The following PTH2R variants were observed in gnomAD, a reference collection of about 807,000 sequenced individuals.
PTH2R encodes the protein parathyroid hormone 2 receptor.
In PTH2R, 59 loss-of-function variants were observed where a neutral mutation model predicts 60.3. The observed-to-expected ratio is 0.98, with a 90% CI of 0.79 to 1.22. The LOEUF (loss-of-function observed/expected upper bound fraction) is 1.22, where lower values mean the gene tolerates loss of function less well. PTH2R is among the 50% of genes most tolerant of loss of function. The pLI is 0.00. For synonymous variants in PTH2R, 256 were observed against 243.8 expected, an observed-to-expected ratio of 1.05 and a Z score of -0.47; for missense variants, 749 against 682.6, an observed-to-expected ratio of 1.10 and a Z score of -1.08.
In PTH2R at chr2:208,407,092, G is replaced by A. The variant is rs201452048; in HGVS notation, c.49G>A (p.Gly17Ser). 2.2e-6 allele frequency: 3 copies of A among 1,394,570 alleles called. No homozygotes were observed. The highest frequency in any genetic ancestry group is 2.8e-6 in the Non-Finnish European group (3 of 1,067,256). The allele number at this position is 1,394,570 out of a possible 1,614,324, so 86.4% of individuals were successfully genotyped here. A position where few individuals can be genotyped will look rare whatever the true frequency, so the allele number is the denominator to read the frequency against. The part of the protein sequence containing the change: ...SLHVWGWLML[G>S]SCLLARAQLD... Reference sequence around the variant, plus strand: ...CCACGTCTGGGGTTGGCTAATGCTCGGCAGCTGCCTCCTGGCCAGAGCCCA... The same window carrying A: ...CCACGTCTGGGGTTGGCTAATGCTCAGCAGCTGCCTCCTGGCCAGAGCCCA... Residue 17 changes from glycine (G) to serine (S), a missense_variant, in exon 1 of 13, where the codon GGC (glycine) becomes AGC (serine). Gly to Ser is a moderately conservative substitution (Grantham distance 56). Transcript: ENST00000272847.
At chr2:208,379,754 G>T (rs1346840721) in intron 1 of PTH2R, among the ~76,000 whole-genome samples, 1 of 151,884 alleles carries the variant, frequency 6.6e-6, no homozygotes, top group Admixed American at 6.5e-5. Flanking sequence ...CAGCTACTTG[G>T]GAGGCTGAGG....
intron 1 of PTH2R, among the ~76,000 whole-genome samples, chr2:208,368,535 T>G (rs1352693447): frequency 6.6e-6 from 1 of 152,204 alleles, no homozygotes; most frequent in Non-Finnish European, 1.5e-5. Flanking sequence ...TTTTGTTTTT[T>G]GTTTTTTGAC....
intron 9 of PTH2R, among the ~76,000 whole-genome samples, chr2:208,460,305 G>A (rs1702608750): frequency 6.6e-6 from 1 of 152,148 alleles, no homozygotes; most frequent in African/African-American, 2.4e-5. Flanking sequence ...CTGGTAGTAG[G>A]TCAGTGTGAC....
intron 8 of PTH2R, among the ~76,000 whole-genome samples, chr2:208,455,607 G>A (rs1003579838): frequency 2.0e-5 from 3 of 152,168 alleles, no homozygotes; most frequent in African/African-American, 7.2e-5. Flanking sequence ...TCTCTGAGAT[G>A]ATTTCAAAAT....
At chr2:208,417,766 C>T (rs545788741) in intron 1 of PTH2R, among the ~76,000 whole-genome samples, 1 of 151,926 alleles carries the variant, frequency 6.6e-6, no homozygotes, top group East Asian at 1.9e-4. Context: ...TTAGAATAAG[C>T]TGGATAAAAT....
chr2:208,488,875 T>C (rs1703332995), intron 10 of PTH2R, 137 bp from the exon 11 acceptor site: 12 of 878,908 alleles, frequency 1.4e-5, no homozygotes, highest in Non-Finnish European at 2.1e-5. Flanking sequence ...AGTGAAACCC[T>C]GTCTCAAGAA....
chr2:208,411,857 C>G (rs1437908399), intron 1 of PTH2R, among the ~76,000 whole-genome samples: 1 of 152,182 alleles, frequency 6.6e-6, no homozygotes, highest in Non-Finnish European at 1.5e-5. Flanking sequence ...GAATGTGAGT[C>G]TTGAATTAAA....
intron 8 of PTH2R, among the ~76,000 whole-genome samples, chr2:208,455,490 C>A (rs1483217496): frequency 6.6e-6 from 1 of 152,210 alleles, no homozygotes; most frequent in Non-Finnish European, 1.5e-5. Flanking sequence ...TTCTTCCTAA[C>A]TTATCAGAAT....
chr2:208,361,647 A>C (rs1160592554), intron 1 of PTH2R, among the ~76,000 whole-genome samples: 1 of 151,970 alleles, frequency 6.6e-6, no homozygotes, highest in Non-Finnish European at 1.5e-5. Flanking sequence ...GAATTTGACT[A>C]CTTATATTAC....
At chr2:208,381,914 C>A (rs556515077) in intron 1 of PTH2R, among the ~76,000 whole-genome samples, 1 of 151,922 alleles carries the variant, frequency 6.6e-6, no homozygotes, top group Non-Finnish European at 1.5e-5. Flanking sequence ...ATTCTTGGAC[C>A]CTGGGTAGGA....
chr2:208,410,012 A>T (rs1462738162), intron 1 of PTH2R, among the ~76,000 whole-genome samples: 2 of 152,024 alleles, frequency 1.3e-5, no homozygotes, highest in African/African-American at 4.8e-5. Flanking sequence ...ATCTGACAAA[A>T]TTTTTTCCAA....
rs2105830340 is a variant in PTH2R, at chr2:208,406,980, A to G, written c.-64A>G. 7.5e-7 allele frequency: 1 copy of G among 1,326,938 alleles called. No individual in the cohort carries two copies. The highest frequency in any genetic ancestry group is 2.3e-5 in the South Asian group (1 of 43,482). The allele number at this position is 1,326,938 out of a possible 1,614,324, so 82.2% of individuals were successfully genotyped here. ...TTTGCTCTGGGCCAGCCAAGTTGGC[A>G]ACTTGGAAGCTTCTCCCGGGCTCTG... On this transcript the variant is annotated 5_prime_UTR_variant, in exon 1 of 13. Coordinates refer to ENST00000272847, the MANE Select transcript of PTH2R (RefSeq NM_005048.4).
intron 9 of PTH2R, among the ~76,000 whole-genome samples, chr2:208,461,379 A>T (rs1559227225): frequency 6.6e-6 from 1 of 152,130 alleles, no homozygotes; most frequent in South Asian, 2.1e-4. Flanking sequence ...CCTTTCACTC[A>T]TTGGTATTTA....
At chr2:208,404,955 C>T (rs1701374890), upstream of PTH2R, among the ~76,000 whole-genome samples, 1 of 152,138 alleles carries the variant, frequency 6.6e-6, no homozygotes, top group Non-Finnish European at 1.5e-5. Context: ...GGTATTCCAC[C>T]CTGGATAAAC....
chr2:208,409,293 T>G (rs1279114897), intron 1 of PTH2R, among the ~76,000 whole-genome samples: 1 of 152,214 alleles, frequency 6.6e-6, no homozygotes, highest in East Asian at 1.9e-4. Context: ...TGGGCTAAGA[T>G]TCTTTTAATT....
intron 2 of PTH2R, among the ~76,000 whole-genome samples, chr2:208,434,559 T>G (rs897043261): frequency 6.6e-6 from 1 of 152,112 alleles, no homozygotes; most frequent in African/African-American, 2.4e-5. Context: ...ACTATATAAT[T>G]ATAGAATAAA....
intron 1 of PTH2R, among the ~76,000 whole-genome samples, chr2:208,388,138 C>CCCCT (rs1553541021): frequency 6.7e-6 from 1 of 149,556 alleles, no homozygotes; most frequent in East Asian, 2.0e-4. Flanking sequence ...TGAAACCCCC[C>CCCCT]CCCCCGTCTC....
chr2:208,400,608 A>G (rs934117864), intron 1 of PTH2R, among the ~76,000 whole-genome samples: 26 of 152,222 alleles, frequency 1.7e-4, no homozygotes, highest in Admixed American at 1.3e-4. Flanking sequence ...GGTACTATCT[A>G]TAACCTTTTA....
intron 8 of PTH2R, among the ~76,000 whole-genome samples, chr2:208,458,946 T>A (rs148300842): frequency 5.3e-5 from 8 of 152,290 alleles, no homozygotes; most frequent in African/African-American, 1.9e-4. Context: ...GTAGAATGCT[T>A]TATATTCCTC....
Sources: gnomAD v4.1 joint callset for allele counts (sites outside exome capture counted in the v4.1 genomes callset) on GRCh38, gnomAD v4.1.1 for gene constraint, MANE v1.5 for transcripts, NCBI Gene and HGNC (gene_info 2026-07-23, HGNC 2026-07-21) for gene names.